Variants in CCDC33 observed in about 807,000 individuals in gnomAD.
CCDC33 encodes coiled-coil domain containing 33, also known as coiled-coil domain-containing protein 33.
In CCDC33, 94 loss-of-function variants were observed where a neutral mutation model predicts 91.9. The observed-to-expected ratio is 1.02, with a 90% CI of 0.87 to 1.21. The LOEUF is 1.21. Among genes scored for constraint, CCDC33 ranks in the 50% most tolerant of loss-of-function variants. The pLI is 0.00. For missense variants in CCDC33, 940 were observed against 935.5 expected (o/e 1.00, Z -0.06); for synonymous variants, 396 against 374.5 (o/e 1.06, Z -0.66).
chr15:74,281,666 C>A lies in CCDC33; in HGVS notation c.1024-112C>A. The A allele has an allele frequency of 5.2e-6, 5 of 966,102 alleles. No homozygotes were observed. In the East Asian group the frequency reaches 9.8e-5, roughly 19 times the overall value. 59.8% of individuals were successfully genotyped at this position (966,102 alleles called of 1,614,324 possible). A position where few individuals can be genotyped will look rare whatever the true frequency, so the allele number is the denominator to read the frequency against. ...CCAGCTCCCACCTCCCTCCCACCCT[C>A]CTGGGTGCAGCCCGCAGGTGACACC... On this transcript the variant is annotated intron_variant, in intron 9 of 18. Coordinates refer to ENST00000398814, the MANE Select transcript of CCDC33 (RefSeq NM_025055.5).
intron 1 of CCDC33, among the ~76,000 whole-genome samples, chr15:74,239,628 G>C (rs2075283980): frequency 6.6e-6 from 1 of 152,194 alleles, no homozygotes. Context: ...GTGGCCTTGG[G>C]CAGGTAAACT....
chr15:74,251,367 C>G (rs1005169759), intron 2 of CCDC33, among the ~76,000 whole-genome samples: 5 of 152,234 alleles, frequency 3.3e-5, no homozygotes, highest in African/African-American at 1.2e-4. Context: ...CCAGTCAGAG[C>G]ACAGCAGGGA....
intron 2 of CCDC33, among the ~76,000 whole-genome samples, chr15:74,211,763 C>T (rs559639731): frequency 6.6e-6 from 1 of 152,146 alleles, no homozygotes; most frequent in South Asian, 2.1e-4. Flanking sequence ...GTCCATCAGT[C>T]TCTCTGCCTG....
intron 11 of CCDC33, among the ~76,000 whole-genome samples, chr15:74,313,415 C>CTTTTTT (rs35519774): frequency 8.2e-4 from 77 of 94,154 alleles, no homozygotes; most frequent in Non-Finnish European, 1.3e-3. Context: ...TTCTTTCTTT[C>CTTTTTT]TTTTTTTTTT....
intron 11 of CCDC33, among the ~76,000 whole-genome samples, chr15:74,315,713 G>A (rs1055088623): frequency 3.3e-5 from 5 of 152,204 alleles, no homozygotes; most frequent in Admixed American, 6.5e-5. Context: ...TGTCCTGTAG[G>A]TGGGGGAACT....
chr15:74,334,676 G>A (rs2060526060), intron 17 of CCDC33, among the ~76,000 whole-genome samples: 1 of 152,190 alleles, frequency 6.6e-6, no homozygotes, highest in Non-Finnish European at 1.5e-5. Context: ...CAGGGTCAGG[G>A]TTCATTGTGT....
intron 10 of CCDC33, among the ~76,000 whole-genome samples, chr15:74,288,477 C>A (rs1032409120): frequency 6.6e-6 from 1 of 152,198 alleles, no homozygotes; most frequent in Non-Finnish European, 1.5e-5. Context: ...TGAATACATT[C>A]TCCCCTTTGG....
chr15:74,231,321 G>T (rs1019211731), intron 2 of CCDC33, among the ~76,000 whole-genome samples: 2 of 152,212 alleles, frequency 1.3e-5, no homozygotes, highest in African/African-American at 4.8e-5. Flanking sequence ...GCCCCTCTGT[G>T]CTGGATAGAA....
At chr15:74,296,030 G>C (rs2059680174) in intron 11 of CCDC33, 82 bp downstream of exon 11, 2 of 1,257,848 alleles carry the variant, frequency 1.6e-6, no homozygotes, top group East Asian at 5.1e-5. Flanking sequence ...CTGCAGGACT[G>C]CTTCATGCCT....
chr15:74,292,764 T>A (rs2059608395), intron 10 of CCDC33, among the ~76,000 whole-genome samples: 1 of 151,888 alleles, frequency 6.6e-6, no homozygotes, highest in Non-Finnish European at 1.5e-5. Context: ...CAGGACAGAA[T>A]CATTGAGTCT....
intron 11 of CCDC33, among the ~76,000 whole-genome samples, chr15:74,296,856 G>A (rs1296372608): frequency 1.3e-5 from 2 of 152,138 alleles, no homozygotes; most frequent in Non-Finnish European, 2.9e-5. Flanking sequence ...GTCCAGGGAG[G>A]TGCTACCCAG....
intron 10 of CCDC33, among the ~76,000 whole-genome samples, chr15:74,282,498 T>C (rs1425394652): frequency 6.6e-6 from 1 of 152,234 alleles, no homozygotes; most frequent in Admixed American, 6.5e-5. Flanking sequence ...CTTCCTCTTC[T>C]GTCAGCAGCC....
At chr15:74,229,743 A>G (rs1410523915) in intron 2 of CCDC33, among the ~76,000 whole-genome samples, 4 of 152,196 alleles carry the variant, frequency 2.6e-5, no homozygotes, top group Non-Finnish European at 5.9e-5. Context: ...AGGAAGGAGG[A>G]AGATACTTGA....
intron 11 of CCDC33, among the ~76,000 whole-genome samples, chr15:74,326,301 G>T (rs182617034): frequency 6.6e-6 from 1 of 152,340 alleles, no homozygotes; most frequent in East Asian, 1.9e-4. Context: ...CTCTAGCCTG[G>T]GTGACAGAGT....
At position 74,255,498 on chromosome 15, in the gene CCDC33, C is replaced by T. The variant is rs571370235; in HGVS notation, c.186-6942C>T. 9.8e-5 allele frequency among the ~76,000 whole-genome samples: 15 copies of T among 152,370 alleles called. No individual in the cohort carries two copies. The East Asian group carries it at 2.7e-3, about 27-fold the overall frequency. On this transcript the variant is annotated intron_variant, in intron 2 of 18. Coordinates refer to ENST00000398814, the MANE Select transcript of CCDC33 (RefSeq NM_025055.5). ...GGTGGGGACAGAGGAGCAACTGGCC[C>T]TGAGTGAGGAGAGGAGCTAGTGGGC...
intron 11 of CCDC33, among the ~76,000 whole-genome samples, chr15:74,326,602 C>G (rs1246612171): frequency 6.6e-6 from 1 of 152,272 alleles, no homozygotes; most frequent in Non-Finnish European, 1.5e-5. Context: ...TGACATTTCT[C>G]ACCTGGGCAG....
rs1381790391 is a variant in CCDC33 at position 74,268,544 on chromosome 15, C to G, written c.546+86C>G. Reference sequence around the variant, plus strand: ...AGGCCCCACGCCTTGCCCTTAGCCCCCTCTGGCTGACCTGAGGGTGTGGAG... The same window carrying G: ...AGGCCCCACGCCTTGCCCTTAGCCCGCTCTGGCTGACCTGAGGGTGTGGAG... On this transcript the variant is annotated intron_variant, in intron 5 of 18. Transcript: ENST00000398814. 1.2e-5 allele frequency: 12 copies of G among 1,026,172 alleles called. No homozygotes were observed. The East Asian group carries it at 2.9e-4, about 25-fold the overall frequency. 63.6% of individuals were successfully genotyped at this position (1,026,172 alleles called of 1,614,324 possible).
chr15:74,249,446 C>T (rs537728515), intron 2 of CCDC33, among the ~76,000 whole-genome samples: 2 of 151,918 alleles, frequency 1.3e-5, no homozygotes, highest in Non-Finnish European at 2.9e-5. Context: ...TGAGATCAAG[C>T]AACTGCACTC....
intron 10 of CCDC33, among the ~76,000 whole-genome samples, chr15:74,287,956 G>A (rs538263744): frequency 1.7e-4 from 26 of 152,270 alleles, no homozygotes; most frequent in African/African-American, 5.8e-4. Context: ...GCTCCTACCT[G>A]CTTTCCACAA....
Sources: allele counts gnomAD v4.1 joint callset (sites outside exome capture counted in the v4.1 genomes callset), GRCh38; gene constraint gnomAD v4.1.1; transcripts MANE v1.5; gene names NCBI Gene and HGNC (gene_info 2026-07-23, HGNC 2026-07-21).